The following SVEP1 variants were observed in gnomAD, a reference collection of about 807,000 sequenced individuals.
SVEP1 encodes sushi, von Willebrand factor type A, EGF and pentraxin domain-containing protein 1.
SVEP1 carries 164 observed loss-of-function variants against 367.3 expected under a neutral mutation model. The ratio of observed to expected loss-of-function variants is 0.45; its 90% CI spans 0.39 to 0.51. The LOEUF (loss-of-function observed/expected upper bound fraction) is 0.51. Among genes scored for constraint, SVEP1 ranks in the 20% least tolerant of loss-of-function variants. The pLI is 0.00. For synonymous variants in SVEP1, 1,666 were observed against 1,611.6 expected (o/e 1.03, Z -0.81); for missense variants, 4,117 against 4,425.3 (o/e 0.93, Z 1.98).
intron 3 of SVEP1, among the ~76,000 whole-genome samples, chr9:110,534,152 AT>A (rs1481180702): frequency 6.6e-6 from 1 of 151,986 alleles, no homozygotes; most frequent in African/African-American, 2.4e-5. Context: ...CCCAATAGTT[AT>A]TTTTTCTGAT....
intron 3 of SVEP1, among the ~76,000 whole-genome samples, chr9:110,538,284 G>C (rs1348306541): frequency 6.6e-6 from 1 of 151,910 alleles, no homozygotes; most frequent in East Asian, 1.9e-4. Flanking sequence ...ACATGCTAGC[G>C]ATATTCCTTC....
rs1353068228 is a variant in SVEP1 at position 110,512,952 on chromosome 9, CA to C, written c.1276del (p.Trp426GlyfsTer10). 6.2e-7 allele frequency: 1 copy of C among 1,613,936 alleles called. No individual in the cohort carries two copies. On this transcript the variant is annotated frameshift_variant, in exon 5 of 48. Coordinates refer to ENST00000374469, the MANE Select transcript of SVEP1 (RefSeq NM_153366.4). LOFTEE classifies it high-confidence loss of function. The part of the protein sequence containing the change: ...SIILCLPNGL[W>X]SGSESYCRVR... ...TCTGCAGTAGCTCTCTGAACCGGAC[CA>C]CAAACCATTGGGTAGACATAAGATG...
intron 5 of SVEP1, among the ~76,000 whole-genome samples, chr9:110,511,488 CT>C (rs199993986): frequency 2.6e-5 from 2 of 77,564 alleles, no homozygotes; most frequent in Non-Finnish European, 5.5e-5. Context: ...GTGTCAGTAC[CT>C]TTTTTTTTTT....
intron 3 of SVEP1, among the ~76,000 whole-genome samples, chr9:110,523,878 G>GA (rs1190497004): frequency 2.0e-5 from 3 of 150,418 alleles, no homozygotes; most frequent in East Asian, 1.9e-4. Context: ...ATTAAAAACA[G>GA]AAAAAAAAGA....
In SVEP1 at chr9:110,452,697, C is replaced by T. The variant is rs111988591; in HGVS notation, c.3788-1295G>A. ...ATGTGGCCCCTAAATGCAAGCCACACGCTTTGGTGTTCATAAGATAAAAAT... is the reference window on the plus strand; with the variant it reads ...ATGTGGCCCCTAAATGCAAGCCACATGCTTTGGTGTTCATAAGATAAAAAT... On this transcript the variant is annotated intron_variant, in intron 22 of 47. Coordinates refer to ENST00000374469, the MANE Select transcript of SVEP1 (RefSeq NM_153366.4). Among the ~76,000 whole-genome samples, 840 of 152,278 alleles carry T rather than the reference C, an allele frequency of 5.5e-3. 4 individuals carry two copies. Among genetic ancestry groups the T allele is most frequent in the Non-Finnish European group, 8.5e-3 (579 of 68,024 alleles).
chr9:110,433,161 A>G (rs1828378247), intron 30 of SVEP1, among the ~76,000 whole-genome samples: 1 of 152,110 alleles, frequency 6.6e-6, no homozygotes, highest in Non-Finnish European at 1.5e-5. Flanking sequence ...AGGTGCCAGC[A>G]CCATGCTTCC....
intron 36 of SVEP1, among the ~76,000 whole-genome samples, chr9:110,415,989 A>T (rs1043012830): frequency 6.6e-6 from 1 of 152,136 alleles, no homozygotes; most frequent in Admixed American, 6.5e-5. Flanking sequence ...GAAAATCTTC[A>T]AATTGATAAA....
At chr9:110,424,357 AATAAG>A (rs1249710622) in intron 36 of SVEP1, among the ~76,000 whole-genome samples, 9 of 151,976 alleles carry the variant, frequency 5.9e-5, no homozygotes, top group Non-Finnish European at 1.0e-4. Flanking sequence ...ATGTAAAAAA[AATAAG>A]GTTAAGTGAA....
intron 39 of SVEP1, among the ~76,000 whole-genome samples, chr9:110,402,413 G>T (rs1827877945): frequency 6.6e-6 from 1 of 151,880 alleles, no homozygotes. Flanking sequence ...GAATCATTTT[G>T]TCACATTACA....
intron 43 of SVEP1, among the ~76,000 whole-genome samples, chr9:110,380,299 T>G (rs1827414439): frequency 1.3e-5 from 2 of 152,166 alleles, no homozygotes; most frequent in African/African-American, 4.8e-5. Context: ...CTAATCAGAA[T>G]CCAGTTTGTT....
chr9:110,375,243 T>G, intron 46 of SVEP1, 125 bp downstream of exon 46: 2 of 824,860 alleles, frequency 2.4e-6, no homozygotes, highest in Non-Finnish European at 3.7e-6. Flanking sequence ...TCTTGAGGAA[T>G]TTTTGAGAAA....
intron 3 of SVEP1, among the ~76,000 whole-genome samples, chr9:110,529,719 T>TA (rs1302565445): frequency 2.6e-5 from 4 of 152,208 alleles, no homozygotes; most frequent in Admixed American, 6.6e-5. Context: ...TTGATTTTTG[T>TA]AATCTGAGAC....
rs182926787 is a variant in SVEP1 at position 110,411,104 on chromosome 9, A to C, written c.6607T>G (p.Ser2203Ala). Reference sequence around the variant, plus strand: ...TCAACCTTAGGTGGTTCACCACAAGATACCGGGTGGCACGTCGGTATAGGA... The same window carrying C: ...TCAACCTTAGGTGGTTCACCACAAGCTACCGGGTGGCACGTCGGTATAGGA... ...SSPIPTCHPVSCGEPPKVENG... is the reference protein window; with the variant it reads ...SSPIPTCHPVACGEPPKVENG... Residue 2203 changes from serine to alanine, a missense_variant, in exon 37 of 48, where the codon TCT becomes GCT. Coordinates refer to ENST00000374469, the MANE Select transcript of SVEP1 (RefSeq NM_153366.4). The C allele has an allele frequency of 1.1e-5, 18 of 1,608,018 alleles. 1 individual carries two copies. In the African/African-American group the frequency reaches 1.3e-4, roughly 12 times the overall value.
chr9:110,379,221 G>A (rs1827397740), intron 44 of SVEP1, 126 bp downstream of exon 44: 1 of 1,070,764 alleles, frequency 9.3e-7, no homozygotes, highest in East Asian at 2.6e-5. Context: ...TTACACAGCT[G>A]CTAAAAGAAA....
In SVEP1 at chr9:110,408,404, T is replaced by C; in HGVS notation, c.7196A>G (p.His2399Arg). ...AGAATACTTGACAGTACTTCCAAAATGAAGAGCAGAAGAAGGAATGGGGAC... is the reference window on the plus strand; with the variant it reads ...AGAATACTTGACAGTACTTCCAAAACGAAGAGCAGAAGAAGGAATGGGGAC... ...FGVPIPSSALHFGSTVKYSCV... is the reference protein window; with the variant it reads ...FGVPIPSSALRFGSTVKYSCV... Residue 2399 changes from histidine (H) to arginine (R), a missense_variant, in exon 38 of 48, where the codon CAT becomes CGT. By Grantham distance (29) the His-to-Arg change is conservative. Coordinates refer to ENST00000374469, the MANE Select transcript of SVEP1 (RefSeq NM_153366.4). 1 of 1,613,732 alleles carries C rather than the reference T, an allele frequency of 6.2e-7. No homozygotes were observed. The highest frequency in any genetic ancestry group is 1.1e-5 in the South Asian group (1 of 91,072).
intron 27 of SVEP1, among the ~76,000 whole-genome samples, chr9:110,439,358 C>A (rs1232031003): frequency 6.6e-6 from 1 of 152,110 alleles, no homozygotes; most frequent in East Asian, 1.9e-4. Flanking sequence ...AGACTTCTAG[C>A]CTGCAGGACT....
chr9:110,514,382 G>A (rs1278271897), intron 3 of SVEP1, among the ~76,000 whole-genome samples: 8 of 151,810 alleles, frequency 5.3e-5, no homozygotes, highest in African/African-American at 1.2e-4. Context: ...GTGTGGTGGC[G>A]TGTGCCTGTA....
At chr9:110,522,838 C>T (rs772938323) in intron 3 of SVEP1, among the ~76,000 whole-genome samples, 12 of 152,104 alleles carry the variant, frequency 7.9e-5, no homozygotes, top group East Asian at 7.7e-4. Flanking sequence ...TTTGGAAATA[C>T]GGATTATATC....
Position 110,366,194 on chromosome 9 carries a change from T to C in SVEP1, c.*345A>G, listed in dbSNP as rs1388007334. ...CAAAATATTATTTAGTAGCAAAATATACTTTAATGGAAAAATCATTTTAAG... is the reference window on the plus strand; with the variant it reads ...CAAAATATTATTTAGTAGCAAAATACACTTTAATGGAAAAATCATTTTAAG... On this transcript the variant is annotated 3_prime_UTR_variant, in exon 48 of 48. Coordinates refer to ENST00000374469, the MANE Select transcript of SVEP1 (RefSeq NM_153366.4). The C allele has an allele frequency of 4.8e-6, 1 of 207,182 alleles. No individual in the cohort carries two copies. The highest frequency in any genetic ancestry group is 2.3e-5 in the African/African-American group (1 of 43,590). The allele number at this position is 207,182 out of a possible 1,614,324, so 12.8% of individuals were successfully genotyped here. A position where few individuals can be genotyped will look rare whatever the true frequency, so the allele number is the denominator to read the frequency against.
Sources: gnomAD v4.1 joint callset for allele counts (sites outside exome capture counted in the v4.1 genomes callset) on GRCh38, gnomAD v4.1.1 for gene constraint, MANE v1.5 for transcripts, NCBI Gene and HGNC (gene_info 2026-07-23, HGNC 2026-07-21) for gene names.